HELZ: variants seen among roughly 807,000 people sequenced by gnomAD.
The protein encoded by HELZ is helicase with zinc finger.
Under a neutral mutation model 218.2 loss-of-function variants are expected in HELZ, and 23 were observed. The ratio of observed to expected loss-of-function variants is 0.11; its 90% CI spans 0.08 to 0.15. The LOEUF (loss-of-function observed/expected upper bound fraction) is 0.15, where lower values mean the gene tolerates loss of function less well. HELZ is among the 10% of genes least tolerant of loss of function. The probability of loss-of-function intolerance (pLI) is 1.00; values close to 1 mark genes in which losing one functional copy is unlikely to be tolerated. For missense variants in HELZ, 1,813 were observed against 2,353.7 expected (o/e 0.77, Z 4.75); for synonymous variants, 814 against 829.4 (o/e 0.98, Z 0.32).
chr17:67,078,696 A>G (rs1328668121), intron 32 of HELZ, 110 bp from the exon 33 acceptor site: 1 of 674,984 alleles, frequency 1.5e-6, no homozygotes, highest in Non-Finnish European at 2.3e-6. Flanking sequence ...ACTCAAGGAC[A>G]GTATAGCCAC....
intron 31 of HELZ, among the ~76,000 whole-genome samples, chr17:67,106,770 T>C (rs985848084): frequency 5.3e-5 from 8 of 152,238 alleles, no homozygotes; most frequent in Non-Finnish European, 1.0e-4. Context: ...GCACAGCACT[T>C]GGAGCTGGCA....
chr17:67,210,570 A>G (rs999804547), intron 5 of HELZ, among the ~76,000 whole-genome samples: 7 of 152,248 alleles, frequency 4.6e-5, no homozygotes, highest in Non-Finnish European at 8.8e-5. Context: ...CAATACTCTT[A>G]GTTGATAAGA....
chr17:67,217,531 C>T (rs1191090563), intron 4 of HELZ, among the ~76,000 whole-genome samples: 2 of 152,146 alleles, frequency 1.3e-5, no homozygotes. Context: ...GCCCAAAGCC[C>T]TGCAATAGCT....
chr17:67,097,665 C>T (rs1014698181), intron 31 of HELZ, among the ~76,000 whole-genome samples: 4 of 152,166 alleles, frequency 2.6e-5, no homozygotes, highest in African/African-American at 9.7e-5. Flanking sequence ...TTTGGAGCTA[C>T]CTTGAATCTA....
intron 24 of HELZ, among the ~76,000 whole-genome samples, chr17:67,126,054 C>T (rs958119432): frequency 6.6e-6 from 1 of 152,220 alleles, no homozygotes; most frequent in African/African-American, 2.4e-5. Context: ...TACCAACAAC[C>T]TGCATGATCT....
chr17:67,086,600 TAA>T (rs1491421604), intron 32 of HELZ, among the ~76,000 whole-genome samples: 3 of 106,410 alleles, frequency 2.8e-5, no homozygotes, highest in African/African-American at 3.9e-5. Context: ...ATACATATAT[TAA>T]TATATATATA....
At chr17:67,242,368 C>T (rs967868852) in intron 2 of HELZ, among the ~76,000 whole-genome samples, 2 of 148,210 alleles carry the variant, frequency 1.3e-5, no homozygotes, top group East Asian at 2.0e-4. Flanking sequence ...GCTGAGATCG[C>T]GTCATTGCAC....
intron 12 of HELZ, among the ~76,000 whole-genome samples, chr17:67,187,526 G>A (rs1406502725): frequency 2.0e-5 from 3 of 152,146 alleles, no homozygotes; most frequent in Non-Finnish European, 2.9e-5. Context: ...AGTAAAAAAC[G>A]TCCTCCACAA....
At position 67,134,334 on chromosome 17, in the gene HELZ, G is replaced by A. The variant is rs147021205; in HGVS notation, c.3182+1636C>T. On this transcript the variant is annotated intron_variant, in intron 23 of 32. Coordinates refer to ENST00000358691, the MANE Select transcript of HELZ (RefSeq NM_014877.4). Reference sequence around the variant, plus strand: ...CAAGAGGCAGAGGTTGCGGTGAGCCGAGACTGCACCATTGCATTCCAGCCT... The same window carrying A: ...CAAGAGGCAGAGGTTGCGGTGAGCCAAGACTGCACCATTGCATTCCAGCCT... 4.7e-3 allele frequency among the ~76,000 whole-genome samples: 718 copies of A among 151,616 alleles called. 5 individuals are homozygous for A. The highest frequency in any genetic ancestry group is 0.016 in the African/African-American group (671 of 41,290).
intron 24 of HELZ, among the ~76,000 whole-genome samples, chr17:67,126,802 A>G (rs929257086): frequency 4.6e-5 from 7 of 152,160 alleles, no homozygotes; most frequent in African/African-American, 1.7e-4. Context: ...CGGAGGCTGC[A>G]GTAAAAGTCA....
In HELZ at chr17:67,142,134, G is replaced by T. The variant is rs541498227; in HGVS notation, c.2769+3609C>A. On this transcript the variant is annotated intron_variant, in intron 21 of 32. Transcript: ENST00000358691. ...AAAAGAAGGCAATAAAGAAGACACA[G>T]GAGATCAAAAACTACATGAGACATA... is the stretch of plus-strand genomic sequence containing the variant. Among the ~76,000 whole-genome samples, 6 of 152,156 alleles carry T rather than the reference G, an allele frequency of 3.9e-5. No homozygotes were observed. The South Asian group carries it at 1.2e-3, about 32-fold the overall frequency.
At chr17:67,164,483 G>A (rs1409549515) in intron 15 of HELZ, among the ~76,000 whole-genome samples, 1 of 152,128 alleles carries the variant, frequency 6.6e-6, no homozygotes, top group Non-Finnish European at 1.5e-5. Context: ...TCCGATGGGT[G>A]TATAGTATCA....
At chr17:67,103,414 C>T (rs2036988931) in intron 31 of HELZ, among the ~76,000 whole-genome samples, 1 of 152,026 alleles carries the variant, frequency 6.6e-6, no homozygotes, top group Non-Finnish European at 1.5e-5. Context: ...TGCAGATACA[C>T]AATCAATATA....
chr17:67,232,757 T>C lies in HELZ; in HGVS notation c.-19+6676A>G, dbSNP rs373122008. 2.4e-4 allele frequency among the ~76,000 whole-genome samples: 36 copies of C among 152,282 alleles called. No individual in the cohort carries two copies. The South Asian group carries it at 7.2e-3, about 31-fold the overall frequency. On this transcript the variant is annotated intron_variant, in intron 3 of 32. Transcript: ENST00000358691. Reference sequence around the variant, plus strand: ...ACTGAGAGCTGTTGAAGTTGGACAATGGGTACATGGGCATTGATTACACTC... The same window carrying C: ...ACTGAGAGCTGTTGAAGTTGGACAACGGGTACATGGGCATTGATTACACTC...
chr17:67,242,768 G>A (rs996332154), intron 2 of HELZ, among the ~76,000 whole-genome samples: 1 of 149,984 alleles, frequency 6.7e-6, no homozygotes, highest in African/African-American at 2.5e-5. Flanking sequence ...AAAGAATCTT[G>A]GTTTATGTCC....
intron 21 of HELZ, among the ~76,000 whole-genome samples, chr17:67,139,439 T>C (rs919075793): frequency 2.6e-5 from 4 of 152,168 alleles, no homozygotes; most frequent in Non-Finnish European, 5.9e-5. Flanking sequence ...ACACCTCTGC[T>C]GCGCCCTCCC....
intron 13 of HELZ, among the ~76,000 whole-genome samples, chr17:67,175,214 C>A (rs2039421280): frequency 6.6e-6 from 1 of 152,102 alleles, no homozygotes; most frequent in African/African-American, 2.4e-5. Context: ...CCTTAACTGA[C>A]AGTGGATTTT....
chr17:67,119,909 A>G, intron 27 of HELZ: 1 of 413,466 alleles, frequency 2.4e-6, no homozygotes, highest in Non-Finnish European at 4.7e-6. Flanking sequence ...CTCTGAGGTT[A>G]CATCTCAATT....
Position 67,203,449 on chromosome 17 carries a change from A to G in HELZ, c.248-6T>C, listed in dbSNP as rs200695038. The G allele has an allele frequency of 2.1e-3, 3,337 of 1,613,206 alleles. 7 individuals are homozygous for G. Among genetic ancestry groups the G allele is most frequent in the Non-Finnish European group, 2.5e-3 (2,943 of 1,179,598 alleles). ...GGCCAGTCCTTCTCCCAGCACTGCCATGAAAGAACAGCCATCATTAACCAT... is the reference window on the plus strand; with the variant it reads ...GGCCAGTCCTTCTCCCAGCACTGCCGTGAAAGAACAGCCATCATTAACCAT... On this transcript the variant is annotated splice_region_variant and splice_polypyrimidine_tract_variant and intron_variant, in intron 5 of 32. Transcript: ENST00000358691.
Sources: gnomAD v4.1 joint callset for allele counts (sites outside exome capture counted in the v4.1 genomes callset) on GRCh38, gnomAD v4.1.1 for gene constraint, MANE v1.5 for transcripts, NCBI Gene and HGNC (gene_info 2026-07-23, HGNC 2026-07-21) for gene names.